Variants in AP3B1 observed in about 807,000 individuals in gnomAD.
The protein encoded by AP3B1 is adaptor related protein complex 3 subunit beta 1.
Under a neutral mutation model 132.5 loss-of-function variants are expected in AP3B1, and 61 were observed. The ratio of observed to expected loss-of-function variants is 0.46; its 90% CI spans 0.37 to 0.57. The LOEUF (loss-of-function observed/expected upper bound fraction) is 0.57, where lower values mean the gene tolerates loss of function less well. AP3B1 is among the 20% of genes least tolerant of loss of function. The probability of loss-of-function intolerance (pLI) is 0.00; values close to 1 mark genes in which losing one functional copy is unlikely to be tolerated. For missense variants in AP3B1, 1,120 were observed against 1,289.4 expected (o/e 0.87, Z 2.01); for synonymous variants, 388 against 438.3 (o/e 0.89, Z 1.43).
chr5:78,096,420 G>A (rs1057505197), intron 21 of AP3B1, among the ~76,000 whole-genome samples: 3 of 152,188 alleles, frequency 2.0e-5, no homozygotes, highest in African/African-American at 7.2e-5. Flanking sequence ...TGCAGCCTCT[G>A]CCCGGCCGCC....
chr5:78,202,865 A>G (rs1196988220), intron 7 of AP3B1, among the ~76,000 whole-genome samples: 1 of 152,230 alleles, frequency 6.6e-6, no homozygotes. Context: ...AATGATATAC[A>G]TACTGAAGTG....
intron 7 of AP3B1, among the ~76,000 whole-genome samples, chr5:78,205,646 C>T (rs574734874): frequency 1.7e-3 from 251 of 152,074 alleles, no homozygotes; most frequent in African/African-American, 5.7e-3. Context: ...AATGTCTGGC[C>T]CTAAATTTTT....
intron 1 of AP3B1, among the ~76,000 whole-genome samples, chr5:78,280,367 T>C (rs541084123): frequency 1.3e-4 from 20 of 152,210 alleles, no homozygotes; most frequent in Non-Finnish European, 1.8e-4. Context: ...GTTAACATTA[T>C]CTCATGTAGA....
chr5:78,012,134 G>T (rs941638303), intron 26 of AP3B1, among the ~76,000 whole-genome samples: 2 of 151,692 alleles, frequency 1.3e-5, no homozygotes, highest in Non-Finnish European at 2.9e-5. Flanking sequence ...AAATCTCATA[G>T]GGATTTCAAT....
intron 21 of AP3B1, among the ~76,000 whole-genome samples, 185 bp downstream of exon 21, chr5:78,100,757 TGTGATAATGAA>T (rs2112232865): frequency 6.6e-6 from 1 of 152,338 alleles, no homozygotes; most frequent in East Asian, 1.9e-4. Context: ...TATTTGTTCA[TGTGATAATGAA>T]GTGATATGCT....
intron 22 of AP3B1, among the ~76,000 whole-genome samples, chr5:78,075,937 T>C (rs760460134): frequency 6.6e-6 from 1 of 152,348 alleles, no homozygotes; most frequent in East Asian, 1.9e-4. Flanking sequence ...GTACGGACTA[T>C]GAAAATCATC....
chr5:78,024,518 T>G (rs1403954966), intron 24 of AP3B1, among the ~76,000 whole-genome samples: 1 of 151,392 alleles, frequency 6.6e-6, no homozygotes, highest in Non-Finnish European at 1.5e-5. Flanking sequence ...GCCTCCCAAA[T>G]AGCTGGGACT....
intron 12 of AP3B1, among the ~76,000 whole-genome samples, chr5:78,165,284 T>C (rs1743566548): frequency 1.3e-5 from 2 of 152,120 alleles, no homozygotes; most frequent in Non-Finnish European, 1.5e-5. Flanking sequence ...GAAACCGTTT[T>C]CATGACCACA....
At chr5:78,029,390 C>G (rs1346947402) in intron 24 of AP3B1, among the ~76,000 whole-genome samples, 5 of 152,018 alleles carry the variant, frequency 3.3e-5, no homozygotes, top group Non-Finnish European at 7.4e-5. Context: ...AATGCATACA[C>G]ACACACACAC....
At chr5:78,240,211 T>C (rs959536664) in intron 3 of AP3B1, among the ~76,000 whole-genome samples, 5 of 152,216 alleles carry the variant, frequency 3.3e-5, no homozygotes, top group African/African-American at 9.6e-5. Context: ...CAGTAACACA[T>C]CTTTAATTTT....
In AP3B1 at chr5:78,072,354, T is replaced by G. The variant is rs965949155; in HGVS notation, c.2577+17039A>C. Among the ~76,000 whole-genome samples, 10 of 152,320 alleles carry G rather than the reference T, an allele frequency of 6.6e-5. No homozygotes were observed. In the East Asian group the frequency reaches 1.9e-3, roughly 29 times the overall value. The stretch of plus-strand genomic sequence containing the variant: ...AAACAAAAATTCCTCTAATTTCACC[T>G]AAAATACAGTATTCACATTTCCTTG... On this transcript the variant is annotated intron_variant, in intron 22 of 26. Transcript: ENST00000255194.
chr5:78,067,424 A>C (rs1749340260), intron 22 of AP3B1, among the ~76,000 whole-genome samples: 1 of 152,230 alleles, frequency 6.6e-6, no homozygotes, highest in Non-Finnish European at 1.5e-5. Flanking sequence ...AGTGGATCTG[A>C]TGGATATCTA....
chr5:78,027,828 A>G (rs1254382924), intron 24 of AP3B1, among the ~76,000 whole-genome samples: 1 of 152,152 alleles, frequency 6.6e-6, no homozygotes. Context: ...TTATGGGTTA[A>G]TAATTATGTT....
intron 17 of AP3B1, among the ~76,000 whole-genome samples, chr5:78,123,844 C>G (rs989265740): frequency 6.6e-6 from 1 of 152,126 alleles, no homozygotes; most frequent in African/African-American, 2.4e-5. Context: ...CATCCCATTA[C>G]TGGGTATATA....
Position 78,039,238 on chromosome 5 carries a change from C to T in AP3B1, c.2614G>A (p.Val872Met), listed in dbSNP as rs765162490. ...TPAFVPTKTH[V>M]LLHRMSGKGL... Reference sequence around the variant, plus strand: ...TTTCCACTCATTCGATGAAGCAGCACGTGAGTTTTCGTTGGTACAAATGCA... The same window carrying T: ...TTTCCACTCATTCGATGAAGCAGCATGTGAGTTTTCGTTGGTACAAATGCA... Residue 872 changes from valine to methionine, a missense_variant, in exon 23 of 27, where the codon GTG becomes ATG. Physicochemically the swap from Val to Met is conservative, Grantham distance 21. Around this residue, in one of 3 missense-constraint regions of AP3B1, gnomAD observed 906 missense variants for 997.1 expected, o/e 0.91. Transcript: ENST00000255194. 2.6e-5 allele frequency: 42 copies of T among 1,613,922 alleles called. No individual in the cohort carries two copies. Among genetic ancestry groups the T allele is most frequent in the Admixed American group, 8.3e-5 (5 of 59,994 alleles).
intron 1 of AP3B1, among the ~76,000 whole-genome samples, chr5:78,279,907 A>AATATATATATATAT (rs55881507): frequency 1.5e-4 from 17 of 114,356 alleles, no homozygotes; most frequent in African/African-American, 5.4e-4. Flanking sequence ...ATATGACTTA[A>AATATATATATATAT]ATATATATAT....
rs564707350 is a variant in AP3B1 at position 78,075,742 on chromosome 5, G to C, written c.2577+13651C>G. Among the ~76,000 whole-genome samples the C allele has an allele frequency of 3.9e-5, 6 of 152,304 alleles. No homozygotes were observed. In the South Asian group the frequency reaches 1.2e-3, roughly 32 times the overall value. On this transcript the variant is annotated intron_variant, in intron 22 of 26. Coordinates refer to ENST00000255194, the MANE Select transcript of AP3B1 (RefSeq NM_003664.5). The stretch of plus-strand genomic sequence containing the variant: ...CTATCCTTCGGCCTATAAATCCATG[G>C]GGAGCTGAGGGGCATGAGTACAGGG...
At chr5:78,294,368 C>A (rs868339769) in intron 1 of AP3B1, 84 bp downstream of exon 1, 23 of 1,603,332 alleles carry the variant, frequency 1.4e-5, no homozygotes, top group Middle Eastern at 2.1e-4. Flanking sequence ...CCCCGCTCCT[C>A]TCCAGGAAGC....
At chr5:78,161,298 A>T (rs545616742) in intron 13 of AP3B1, among the ~76,000 whole-genome samples, 2 of 152,140 alleles carry the variant, frequency 1.3e-5, no homozygotes, top group East Asian at 3.9e-4. Context: ...AAAAAATAAA[A>T]TTGAGAAAAT....
Sources: allele counts gnomAD v4.1 joint callset (sites outside exome capture counted in the v4.1 genomes callset), GRCh38; gene constraint gnomAD v4.1.1; regional missense constraint gnomAD v4.1.1; transcripts MANE v1.5; gene names NCBI Gene and HGNC (gene_info 2026-07-23, HGNC 2026-07-21).